AGBL1: variants seen among roughly 807,000 people sequenced by gnomAD.
AGBL1 encodes the protein cytosolic carboxypeptidase 4.
A neutral mutation model predicts 118.9 loss-of-function variants in AGBL1; 130 were observed. The ratio of observed to expected loss-of-function variants is 1.09; its 90% CI spans 0.95 to 1.26. AGBL1 has a LOEUF of 1.26. AGBL1 is among the 50% of genes most tolerant of loss of function. The probability of loss-of-function intolerance (pLI) is 0.00; values close to 1 mark genes in which losing one functional copy is unlikely to be tolerated. For missense variants in AGBL1, 1,584 were observed against 1,298.1 expected, an observed-to-expected ratio of 1.22 and a Z score of -3.38; for synonymous variants, 555 against 478.9, an observed-to-expected ratio of 1.16 and a Z score of -2.08.
At chr15:86,571,971 C>A (rs879528537) in intron 21 of AGBL1, among the ~76,000 whole-genome samples, 1 of 152,198 alleles carries the variant, frequency 6.6e-6, no homozygotes, top group Non-Finnish European at 1.5e-5. Context: ...CTCAGCACCC[C>A]CTTAGCCTCC....
intron 17 of AGBL1, among the ~76,000 whole-genome samples, chr15:86,338,842 G>A (rs11856739): frequency 0.13 from 20,379 of 152,028 alleles, 1,484 homozygotes; most frequent in Admixed American, 0.17. Context: ...TCCTTGCTCT[G>A]CTCTCAATGC....
intron 3 of AGBL1, among the ~76,000 whole-genome samples, chr15:86,148,796 G>T (rs141480734): frequency 0.021 from 3,143 of 152,186 alleles, 54 homozygotes; most frequent in Non-Finnish European, 0.029. Context: ...GATACTCCTC[G>T]AGAAGAGCAA....
intron 22 of AGBL1, among the ~76,000 whole-genome samples, chr15:86,777,300 C>T (rs1484764761): frequency 2.0e-5 from 3 of 151,916 alleles, no homozygotes; most frequent in Non-Finnish European, 2.9e-5. Flanking sequence ...TTTATAATTA[C>T]TTACTGGTGA....
intron 3 of AGBL1, among the ~76,000 whole-genome samples, chr15:86,147,360 T>A (rs1870746291): frequency 6.6e-6 from 1 of 152,182 alleles, no homozygotes; most frequent in Non-Finnish European, 1.5e-5. Flanking sequence ...CTGTCCTAGG[T>A]GAGGGAAGCC....
At chr15:86,772,804 C>T (rs1228958795) in intron 22 of AGBL1, among the ~76,000 whole-genome samples, 1 of 152,014 alleles carries the variant, frequency 6.6e-6, no homozygotes, top group Non-Finnish European at 1.5e-5. Context: ...AAGCTGAGAA[C>T]AGAGAAATAC....
At chr15:86,090,932 G>A (rs1444300) in intron 1 of AGBL1, among the ~76,000 whole-genome samples, 47,544 of 151,934 alleles carry the variant, frequency 0.31, 7,908 homozygotes, top group African/African-American at 0.43. Flanking sequence ...TTACTGGAAG[G>A]CCTCATTTCT....
At chr15:86,470,730 T>A (rs1398054671) in intron 18 of AGBL1, among the ~76,000 whole-genome samples, 1 of 152,170 alleles carries the variant, frequency 6.6e-6, no homozygotes, top group Non-Finnish European at 1.5e-5. Flanking sequence ...TTTTATAGTT[T>A]CAGTGTACAC....
chr15:86,242,360 A>C (rs1387369823), intron 6 of AGBL1, among the ~76,000 whole-genome samples: 1 of 152,226 alleles, frequency 6.6e-6, no homozygotes, highest in Non-Finnish European at 1.5e-5. Flanking sequence ...GCATCGAGCC[A>C]TCTACTTTAT....
chr15:86,636,609 A>G (rs1039573624), intron 21 of AGBL1, among the ~76,000 whole-genome samples: 6 of 146,168 alleles, frequency 4.1e-5, no homozygotes, highest in Non-Finnish European at 7.5e-5. Flanking sequence ...TCACATCCTC[A>G]CTGTAAGGAG....
chr15:86,453,816 GA>G (rs879662772), intron 18 of AGBL1, among the ~76,000 whole-genome samples: 17 of 151,556 alleles, frequency 1.1e-4, no homozygotes, highest in Middle Eastern at 3.4e-3. Flanking sequence ...TTACCCATTG[GA>G]AAAAAAATAG....
At position 86,601,317 on chromosome 15, in the gene AGBL1, A is replaced by G. The variant is rs542320148; in HGVS notation, c.2994+46780A>G. Among the ~76,000 whole-genome samples the G allele has an allele frequency of 2.5e-4, 38 of 152,310 alleles. No homozygotes were observed. In the South Asian group the frequency reaches 7.7e-3, roughly 31 times the overall value. ...CTGGAATTTTGAAAGTGACTGGGCA[A>G]TACATTATTTGACTTTGTTTTTAAT... On this transcript the variant is annotated intron_variant, in intron 21 of 22. Coordinates refer to ENST00000614907, the MANE Select transcript of AGBL1 (RefSeq NM_001386094.1).
At chr15:86,192,696 C>T (rs1597523145) in intron 5 of AGBL1, among the ~76,000 whole-genome samples, 1 of 152,158 alleles carries the variant, frequency 6.6e-6, no homozygotes, top group East Asian at 1.9e-4. Context: ...AAAAATTGAA[C>T]CATAGTGCCT....
intron 3 of AGBL1, among the ~76,000 whole-genome samples, chr15:86,150,635 T>G (rs975492590): frequency 1.6e-4 from 24 of 152,062 alleles, no homozygotes; most frequent in African/African-American, 5.6e-4. Context: ...ATAAATAGCC[T>G]ACCACCAAAA....
chr15:86,112,803 T>C (rs984883825), intron 1 of AGBL1, among the ~76,000 whole-genome samples: 4 of 152,222 alleles, frequency 2.6e-5, no homozygotes, highest in Non-Finnish European at 4.4e-5. Flanking sequence ...AGGAGAAAGA[T>C]GGTAATTCAT....
chr15:86,772,198 A>G (rs770629520), intron 22 of AGBL1, among the ~76,000 whole-genome samples: 14 of 151,874 alleles, frequency 9.2e-5, no homozygotes, highest in Non-Finnish European at 1.5e-4. Context: ...GGGGTTGAGC[A>G]CCTTCTACTT....
At chr15:86,233,137 C>T (rs765365804) in intron 6 of AGBL1, among the ~76,000 whole-genome samples, 93 of 152,164 alleles carry the variant, frequency 6.1e-4, no homozygotes, top group Non-Finnish European at 8.8e-5. Context: ...TCAGTTGTGA[C>T]CATTTCCAAA....
rs558159808 is a variant in AGBL1 at position 86,230,773 on chromosome 15, A to G, written c.526+5822A>G. On this transcript the variant is annotated intron_variant, in intron 6 of 22. Transcript: ENST00000614907. ...GTATATATTTGTGGTGCACCACATG[A>G]TGCTTTGAAATATGTAGACATTGTG... 3.3e-5 allele frequency among the ~76,000 whole-genome samples: 5 copies of G among 152,312 alleles called. No homozygotes were observed. In the East Asian group the frequency reaches 7.7e-4, roughly 23 times the overall value.
chr15:86,486,435 T>A (rs1037621923), intron 18 of AGBL1, among the ~76,000 whole-genome samples: 15 of 152,144 alleles, frequency 9.9e-5, no homozygotes, highest in Non-Finnish European at 1.9e-4. Context: ...GCTTTGTGAA[T>A]CACATCACTA....
At chr15:86,228,240 C>T (rs1036663178) in intron 6 of AGBL1, among the ~76,000 whole-genome samples, 1 of 152,076 alleles carries the variant, frequency 6.6e-6, no homozygotes, top group African/African-American at 2.4e-5. Flanking sequence ...TTGCCTCAGC[C>T]GAACTTAAAT....
Sources: allele counts gnomAD v4.1 joint callset (sites outside exome capture counted in the v4.1 genomes callset), GRCh38; gene constraint gnomAD v4.1.1; transcripts MANE v1.5; gene names NCBI Gene and HGNC (gene_info 2026-07-23, HGNC 2026-07-21).